CTNNA2: variants seen among roughly 807,000 people sequenced by gnomAD.
CTNNA2 encodes the protein catenin alpha 2, also known as catenin alpha-2.
A neutral mutation model predicts 101.0 loss-of-function variants in CTNNA2; 42 were observed. That is an observed-to-expected ratio of 0.42 (90% CI 0.32 to 0.54). The LOEUF (loss-of-function observed/expected upper bound fraction) is 0.54. Among genes scored for constraint, CTNNA2 ranks in the 20% least tolerant of loss-of-function variants. CTNNA2 has a pLI of 0.14. For synonymous variants in CTNNA2, 450 were observed against 456.4 expected, an observed-to-expected ratio of 0.99 and a Z score of 0.18; for missense variants, 871 against 1,223.1, an observed-to-expected ratio of 0.71 and a Z score of 4.29.
intron 2 of CTNNA2, among the ~76,000 whole-genome samples, chr2:79,675,271 T>C (rs1374118593): frequency 6.6e-6 from 1 of 152,264 alleles, no homozygotes; most frequent in African/African-American, 2.4e-5. Flanking sequence ...TGGAGGTATA[T>C]AATTGGTATT....
intron 7 of CTNNA2, among the ~76,000 whole-genome samples, chr2:80,135,150 G>A (rs185987600): frequency 1.6e-3 from 239 of 152,304 alleles, no homozygotes; most frequent in African/African-American, 5.5e-3. Flanking sequence ...TTGTGGTCTG[G>A]TGTGGGGATT....
intron 4 of CTNNA2, among the ~76,000 whole-genome samples, chr2:79,497,861 A>G (rs1671276194): frequency 1.3e-5 from 2 of 152,250 alleles, no homozygotes; most frequent in South Asian, 4.1e-4. Flanking sequence ...ATTTGAATAC[A>G]CGTAACAGAA....
At chr2:79,443,441 T>A (rs1022109753) in intron 4 of CTNNA2, among the ~76,000 whole-genome samples, 1 of 152,176 alleles carries the variant, frequency 6.6e-6, no homozygotes, top group African/African-American at 2.4e-5. Context: ...CAATGATGTC[T>A]ACCCACATTG....
intron 7 of CTNNA2, among the ~76,000 whole-genome samples, chr2:80,364,556 A>ATTT (rs57073635): frequency 0.035 from 4,273 of 123,368 alleles, 137 homozygotes; most frequent in African/African-American, 0.079. Context: ...AGAGAAAGTA[A>ATTT]TTTTTTTTTT....
At chr2:79,939,947 C>G (rs112001384) in intron 7 of CTNNA2, among the ~76,000 whole-genome samples, 30,260 of 152,060 alleles carry the variant, frequency 0.2, 3,553 homozygotes, top group Non-Finnish European at 0.27. Flanking sequence ...ACAAAATTAG[C>G]TGGGCGTGGT....
chr2:80,365,902 C>G (rs1039886601), intron 7 of CTNNA2, among the ~76,000 whole-genome samples: 1 of 152,250 alleles, frequency 6.6e-6, no homozygotes, highest in Non-Finnish European at 1.5e-5. Flanking sequence ...CCCCTGTGGT[C>G]GGCTGTTATG....
At chr2:79,911,518 C>T (rs2104332292) in intron 7 of CTNNA2, among the ~76,000 whole-genome samples, 1 of 152,342 alleles carries the variant, frequency 6.6e-6, no homozygotes, top group East Asian at 1.9e-4. Flanking sequence ...ATCCTGCCAA[C>T]TAGAAGTTTT....
intron 7 of CTNNA2, among the ~76,000 whole-genome samples, chr2:80,287,042 A>G (rs1321410563): frequency 6.6e-6 from 1 of 152,198 alleles, no homozygotes; most frequent in Non-Finnish European, 1.5e-5. Flanking sequence ...ATGAAAAGAG[A>G]TGTCCTGAAC....
At chr2:79,984,587 C>G (rs1306055762) in intron 7 of CTNNA2, among the ~76,000 whole-genome samples, 2 of 152,282 alleles carry the variant, frequency 1.3e-5, no homozygotes, top group East Asian at 3.9e-4. Context: ...TTAGGAAATG[C>G]AACCGGGTTG....
chr2:80,424,262 A>G (rs916793960), intron 9 of CTNNA2, among the ~76,000 whole-genome samples: 2 of 152,172 alleles, frequency 1.3e-5, no homozygotes, highest in Non-Finnish European at 2.9e-5. Flanking sequence ...CCCAGCAAAC[A>G]TTCAAAATAG....
intron 2 of CTNNA2, among the ~76,000 whole-genome samples, chr2:79,668,482 T>C (rs17017469): frequency 0.074 from 11,201 of 152,212 alleles, 511 homozygotes; most frequent in East Asian, 0.22. Flanking sequence ...TGAATGATAG[T>C]ATTAAGTTTC....
intron 1 of CTNNA2, among the ~76,000 whole-genome samples, chr2:79,522,485 A>G (rs1672170969): frequency 1.3e-5 from 2 of 152,184 alleles, no homozygotes; most frequent in Non-Finnish European, 1.5e-5. Flanking sequence ...TGTGTCCTGC[A>G]GTGTGGTACT....
intron 3 of CTNNA2, among the ~76,000 whole-genome samples, chr2:79,796,987 G>A (rs1675762553): frequency 6.6e-6 from 1 of 152,082 alleles, no homozygotes; most frequent in African/African-American, 2.4e-5. Context: ...CCTCCATAGA[G>A]GCACTTTTTC....
intron 8 of CTNNA2, among the ~76,000 whole-genome samples, chr2:80,416,282 AAT>A (rs1458557714): frequency 6.6e-6 from 1 of 152,206 alleles, no homozygotes; most frequent in Admixed American, 6.5e-5. Flanking sequence ...ATCATTTCAC[AAT>A]ATATATGTTT....
At chr2:80,182,494 A>G (rs1035555521) in intron 7 of CTNNA2, among the ~76,000 whole-genome samples, 1 of 152,158 alleles carries the variant, frequency 6.6e-6, no homozygotes, top group African/African-American at 2.4e-5. Context: ...CTTCAATCCA[A>G]TCAAGTTGAC....
chr2:79,220,393 G>C (rs549397732), intron 2 of CTNNA2, among the ~76,000 whole-genome samples: 1 of 152,246 alleles, frequency 6.6e-6, no homozygotes, highest in Admixed American at 6.5e-5. Flanking sequence ...GTGCAGGAAT[G>C]ATAGAAATTC....
chr2:80,545,808 G>C (rs2149631933), intron 10 of CTNNA2, 99 bp from the exon 11 acceptor site: 1 of 1,177,366 alleles, frequency 8.5e-7, no homozygotes, highest in East Asian at 2.5e-5. Context: ...CTTATCTGTA[G>C]AACGTACAGG....
intron 5 of CTNNA2, chr2:79,505,239 G>A (rs551745062): frequency 1.6e-4 from 25 of 152,252 alleles, no homozygotes; most frequent in African/African-American, 5.1e-4. Flanking sequence ...GTTTCCTAAC[G>A]TTGCTAATCG....
rs181779804 is a variant in CTNNA2, at chr2:79,803,153, C to G, written c.299-54860C>G. Reference sequence around the variant, plus strand: ...CACTTTGAATTGTCTATTTTTCACACAGTTGATTTTATGTTCTTCATTCAT... The same window carrying G: ...CACTTTGAATTGTCTATTTTTCACAGAGTTGATTTTATGTTCTTCATTCAT... On this transcript the variant is annotated intron_variant, in intron 3 of 18. Transcript: ENST00000402739. Among the ~76,000 whole-genome samples, 728 of 152,286 alleles carry G rather than the reference C, an allele frequency of 4.8e-3. 4 individuals are homozygous for G. The highest frequency in any genetic ancestry group is 5.5e-3 in the Non-Finnish European group (371 of 68,028).
Sources: allele counts gnomAD v4.1 joint callset (sites outside exome capture counted in the v4.1 genomes callset), GRCh38; gene constraint gnomAD v4.1.1; transcripts MANE v1.5; gene names NCBI Gene and HGNC (gene_info 2026-07-23, HGNC 2026-07-21).